Variants in ITSN1 observed in about 807,000 individuals in gnomAD.
The protein encoded by ITSN1 is intersectin-1.
In ITSN1, 58 loss-of-function variants were observed where a neutral mutation model predicts 239.8. The ratio of observed to expected loss-of-function variants is 0.24; its 90% CI spans 0.20 to 0.30. ITSN1 has a LOEUF of 0.30. Ranked by LOEUF, ITSN1 falls within the 10% of genes least tolerant of loss-of-function variation. The pLI, the probability that ITSN1 is intolerant of heterozygous loss-of-function variation, is 1.00. For missense variants in ITSN1, 1,558 were observed against 2,103.3 expected (o/e 0.74, Z 5.07); for synonymous variants, 780 against 770.8 (o/e 1.01, Z -0.20).
Position 33,718,782 on chromosome 21 carries a change from C to A in ITSN1, c.-32-15C>A, listed in dbSNP as rs753428085. ...TAAGTTTTCATAAACTTAAATGTTG[C>A]ATTTTCACTTACAGGCGTCGATTAG... On this transcript the variant is annotated splice_polypyrimidine_tract_variant and intron_variant, in intron 1 of 39. Transcript: ENST00000381318. 3.8e-6 allele frequency: 6 copies of A among 1,563,266 alleles called. No individual in the cohort carries two copies. The East Asian group carries it at 1.1e-4, about 29-fold the overall frequency.
rs200073587 is a variant in ITSN1, at chr21:33,829,638, A to G, written c.3244A>G (p.Ile1082Val). 3.0e-5 allele frequency: 49 copies of G among 1,612,064 alleles called. No individual in the cohort carries two copies. In the East Asian group the frequency reaches 1.0e-3, roughly 34 times the overall value. The change falls in exon 27 of 40, where the codon ATT (isoleucine) becomes GTT (valine). Residue 1082 changes from isoleucine to valine, a missense_variant. Physicochemically the swap from Ile to Val is conservative, Grantham distance 29. Around this residue, in one of 2 missense-constraint regions of ITSN1, gnomAD observed 576 missense variants for 893.3 expected, o/e 0.64. Coordinates refer to ENST00000381318, the MANE Select transcript of ITSN1 (RefSeq NM_003024.3). ...LGKKPEIAQVIASYTATGPEQ... is the reference protein window; with the variant it reads ...LGKKPEIAQVVASYTATGPEQ... Reference sequence around the variant, plus strand: ...TTGTTTTTCAGAAATTGCCCAGGTTATTGCCTCATACACCGCCACCGGCCC... The same window carrying G: ...TTGTTTTTCAGAAATTGCCCAGGTTGTTGCCTCATACACCGCCACCGGCCC...
At chr21:33,848,366 AACC>A (rs2075049223) in intron 29 of ITSN1, among the ~76,000 whole-genome samples, 1 of 152,218 alleles carries the variant, frequency 6.6e-6, no homozygotes, top group African/African-American at 2.4e-5. Context: ...CCTCAGGAGG[AACC>A]AGCCCTGTTG....
At chr21:33,876,171 T>C in intron 34 of ITSN1, among the ~76,000 whole-genome samples, 5 of 145,496 alleles carry the variant, frequency 3.4e-5, no homozygotes, top group African/African-American at 7.8e-5. Context: ...CCCTCTTTCT[T>C]TCTTTCCTTC....
chr21:33,730,699 C>CGTAACTACCATA, intron 4 of ITSN1, among the ~76,000 whole-genome samples: 1 of 148,854 alleles, frequency 6.7e-6, no homozygotes, highest in East Asian at 2.0e-4. Context: ...CGTGCCCAGC[C>CGTAACTACCATA]TGTTTTTTTG....
At chr21:33,780,344 A>G (rs1374564231) in intron 14 of ITSN1, among the ~76,000 whole-genome samples, 2 of 152,244 alleles carry the variant, frequency 1.3e-5, no homozygotes, top group Admixed American at 1.3e-4. Context: ...ACATTCTTTG[A>G]AGAAAGAAAA....
chr21:33,752,528 T>C (rs2067625273), intron 7 of ITSN1, among the ~76,000 whole-genome samples: 2 of 152,208 alleles, frequency 1.3e-5, no homozygotes, highest in African/African-American at 4.8e-5. Context: ...TTTATTTTAC[T>C]CCTATGTTTT....
chr21:33,785,802 C>CAAAAA (rs1326777128), intron 16 of ITSN1, among the ~76,000 whole-genome samples: 1 of 151,672 alleles, frequency 6.6e-6, no homozygotes, highest in Non-Finnish European at 1.5e-5. Context: ...TTTTGTTTTC[C>CAAAAA]AAAAAAGGCT....
In ITSN1 at chr21:33,847,846, G is replaced by T. The variant is rs552404351; in HGVS notation, c.3662-8890G>T. On this transcript the variant is annotated intron_variant, in intron 29 of 39. Coordinates refer to ENST00000381318, the MANE Select transcript of ITSN1 (RefSeq NM_003024.3). ...TTCGCGCCAGGTGTCTTGATTTCCA[G>T]GCCATCTTTCCTCTGATCTCCTGGC... is the stretch of plus-strand genomic sequence containing the variant. 9.2e-5 allele frequency among the ~76,000 whole-genome samples: 14 copies of T among 152,312 alleles called. No homozygotes were observed. In the South Asian group the frequency reaches 2.9e-3, roughly 32 times the overall value.
At chr21:33,833,109 C>G (rs547429093) in intron 27 of ITSN1, among the ~76,000 whole-genome samples, 2 of 151,956 alleles carry the variant, frequency 1.3e-5, no homozygotes, top group East Asian at 3.9e-4. Flanking sequence ...ACTCATGATC[C>G]CTAACTCGAG....
At chr21:33,738,495 G>C (rs1177754845) in intron 5 of ITSN1, among the ~76,000 whole-genome samples, 1 of 151,900 alleles carries the variant, frequency 6.6e-6, no homozygotes, top group South Asian at 2.1e-4. Flanking sequence ...TCCGCCTCTC[G>C]AGTTCAAGCA....
At chr21:33,705,995 A>G (rs1408015893) in intron 1 of ITSN1, among the ~76,000 whole-genome samples, 1 of 152,076 alleles carries the variant, frequency 6.6e-6, no homozygotes, top group Non-Finnish European at 1.5e-5. Flanking sequence ...CAAATCAAAC[A>G]CTGATGTCTG....
rs545653350 is a variant in ITSN1 at position 33,896,404 on chromosome 21, A to G, written c.*8104A>G. 6.6e-6 allele frequency: 1 copy of G among 152,372 alleles called. No homozygotes were observed. The highest frequency in any genetic ancestry group is 2.1e-4 in the South Asian group (1 of 4,826). The allele number at this position is 152,372 out of a possible 1,614,324, so 9.4% of individuals were successfully genotyped here. On this transcript the variant is annotated 3_prime_UTR_variant, in exon 40 of 40. Coordinates refer to ENST00000381318, the MANE Select transcript of ITSN1 (RefSeq NM_003024.3). ...AAGCCTTTTCCAACCTTCTGCCTTC[A>G]AAGAGAAGCAGGGTCATAGAAGTGC... is the stretch of plus-strand genomic sequence containing the variant.
intron 12 of ITSN1, 90 bp from the exon 13 acceptor site, chr21:33,774,639 G>T: frequency 8.1e-7 from 1 of 1,238,672 alleles, no homozygotes; most frequent in Non-Finnish European, 1.1e-6. Flanking sequence ...ATCCCTAAAA[G>T]GAAAGACTTC....
At position 33,889,566 on chromosome 21, in the gene ITSN1, A is replaced by G. The variant is rs1243401556; in HGVS notation, c.*1266A>G. The G allele has an allele frequency of 6.6e-6, 1 of 152,112 alleles. No homozygotes were observed. Among genetic ancestry groups the G allele is most frequent in the African/African-American group, 2.4e-5 (1 of 41,406 alleles). 9.4% of individuals were successfully genotyped at this position (152,112 alleles called of 1,614,324 possible). On this transcript the variant is annotated 3_prime_UTR_variant, in exon 40 of 40. Transcript: ENST00000381318. Reference sequence around the variant, plus strand: ...ATGCCAGGAGATCATCTGGTTAGTTAGATAGTAACTTGATTTGCTAATGAA... The same window carrying G: ...ATGCCAGGAGATCATCTGGTTAGTTGGATAGTAACTTGATTTGCTAATGAA...
chr21:33,818,191 G>A, intron 22 of ITSN1, 76 bp from the exon 23 acceptor site: 1 of 1,220,086 alleles, frequency 8.2e-7, no homozygotes, highest in South Asian at 1.3e-5. Flanking sequence ...TGTTGGAGAG[G>A]TGCCATGCTC....
intron 1 of ITSN1, among the ~76,000 whole-genome samples, chr21:33,705,141 T>C (rs1334973744): frequency 6.6e-6 from 1 of 151,122 alleles, no homozygotes; most frequent in African/African-American, 2.4e-5. Flanking sequence ...ACAAAATGTT[T>C]TAATGAGGAG....
At chr21:33,739,258 AGGAAAT>A (rs2066695212) in intron 5 of ITSN1, among the ~76,000 whole-genome samples, 1 of 152,218 alleles carries the variant, frequency 6.6e-6, no homozygotes, top group Non-Finnish European at 1.5e-5. Context: ...TTTCTATTGT[AGGAAAT>A]TCTATGGGTA....
At chr21:33,819,396 A>C in intron 24 of ITSN1, 73 bp downstream of exon 24, 1 of 1,094,376 alleles carries the variant, frequency 9.1e-7, no homozygotes. Flanking sequence ...ATGAGATTGA[A>C]TTTCATCTTA....
At chr21:33,650,263 G>A (rs2088389339) in intron 1 of ITSN1, among the ~76,000 whole-genome samples, 1 of 152,148 alleles carries the variant, frequency 6.6e-6, no homozygotes, top group South Asian at 2.1e-4. Flanking sequence ...TACAGTTCAT[G>A]GACGTGGACG....
Sources: allele counts gnomAD v4.1 joint callset (sites outside exome capture counted in the v4.1 genomes callset), GRCh38; gene constraint gnomAD v4.1.1; regional missense constraint gnomAD v4.1.1; transcripts MANE v1.5; gene names NCBI Gene and HGNC (gene_info 2026-07-23, HGNC 2026-07-21).